The following LGR4 variants were observed in gnomAD, a reference collection of about 807,000 sequenced individuals.
The protein encoded by LGR4 is leucine-rich repeat-containing G protein-coupled receptor 4.
Under a neutral mutation model 84.8 loss-of-function variants are expected in LGR4, and 44 were observed. The observed-to-expected ratio is 0.52, with a 90% CI of 0.41 to 0.67. The LOEUF (loss-of-function observed/expected upper bound fraction) is 0.67, where lower values mean the gene tolerates loss of function less well. Among genes scored for constraint, LGR4 ranks in the 30% least tolerant of loss-of-function variants. LGR4 has a pLI of 0.00. For missense variants in LGR4, 1,032 were observed against 1,131.4 expected (o/e 0.91, Z 1.26); for synonymous variants, 429 against 434.3 (o/e 0.99, Z 0.15).
intron 2 of LGR4, among the ~76,000 whole-genome samples, chr11:27,412,529 TATA>T (rs1238066210): frequency 1.3e-5 from 2 of 152,262 alleles, no homozygotes; most frequent in African/African-American, 2.4e-5. Context: ...CATTTGTAGT[TATA>T]ATAATTGCAG....
intron 1 of LGR4, among the ~76,000 whole-genome samples, chr11:27,429,381 A>G (rs1013870142): frequency 6.6e-6 from 1 of 151,824 alleles, no homozygotes; most frequent in African/African-American, 2.4e-5. Flanking sequence ...GCTACTCAAG[A>G]GGCTGAGGCA....
chr11:27,416,013 C>A (rs1863809324), intron 1 of LGR4, among the ~76,000 whole-genome samples: 1 of 152,094 alleles, frequency 6.6e-6, no homozygotes, highest in Non-Finnish European at 1.5e-5. Flanking sequence ...TATTATGATA[C>A]ATAAATATAA....
At chr11:27,464,849 G>C (rs1864748790) in intron 1 of LGR4, among the ~76,000 whole-genome samples, 1 of 151,798 alleles carries the variant, frequency 6.6e-6, no homozygotes, top group African/African-American at 2.4e-5. Context: ...GGTACAATGA[G>C]ATTTTCACTC....
chr11:27,372,217 A>G (rs1862897464), intron 16 of LGR4, 66 bp downstream of exon 16: 1 of 957,606 alleles, frequency 1.0e-6, no homozygotes, highest in Non-Finnish European at 1.7e-6. Context: ...CAAAGTAATT[A>G]TAATAACAGG....
intron 11 of LGR4, among the ~76,000 whole-genome samples, chr11:27,378,218 C>T (rs972269041): frequency 2.0e-5 from 3 of 152,202 alleles, no homozygotes; most frequent in Non-Finnish European, 4.4e-5. Context: ...TACTTATTAA[C>T]AACTTAATAA....
chr11:27,472,045 G>T, intron 1 of LGR4, 73 bp downstream of exon 1: 1 of 1,137,832 alleles, frequency 8.8e-7, no homozygotes, highest in Non-Finnish European at 1.1e-6. Flanking sequence ...CTGACCCCTG[G>T]CTCCGCCCCG....
rs1426116055 is a variant in LGR4 at position 27,431,362 on chromosome 11, C to T, written c.186-18502G>A. ...GAACCACTGCAGTATATTACAATGG[C>T]CCCTTATGCGTTCATGGTCTTCCCC... On this transcript the variant is annotated intron_variant, in intron 1 of 17. Transcript: ENST00000379214. 1.2e-4 allele frequency among the ~76,000 whole-genome samples: 19 copies of T among 152,100 alleles called. No individual in the cohort carries two copies. In the South Asian group the frequency reaches 3.9e-3, roughly 32 times the overall value.
chr11:27,442,570 C>T (rs1864321423), intron 1 of LGR4, among the ~76,000 whole-genome samples: 1 of 152,196 alleles, frequency 6.6e-6, no homozygotes, highest in Admixed American at 6.5e-5. Flanking sequence ...GTTATTACCA[C>T]TATGTTGTCA....
At chr11:27,439,991 C>T (rs751684777) in intron 1 of LGR4, among the ~76,000 whole-genome samples, 38 of 150,828 alleles carry the variant, frequency 2.5e-4, no homozygotes, top group Middle Eastern at 3.2e-3. Context: ...CTGCAACCTC[C>T]GCCTCTCAGG....
chr11:27,405,883 G>A (rs1458457922), intron 2 of LGR4, among the ~76,000 whole-genome samples: 2 of 152,068 alleles, frequency 1.3e-5, no homozygotes, highest in Non-Finnish European at 2.9e-5. Context: ...TCTCTGCTAT[G>A]AGACTACATT....
chr11:27,416,681 C>T (rs1336129933), intron 1 of LGR4, among the ~76,000 whole-genome samples: 1 of 152,102 alleles, frequency 6.6e-6, no homozygotes, highest in African/African-American at 2.4e-5. Context: ...GCTGGGAGAA[C>T]CCTTCAAGAT....
chr11:27,373,632 A>G lies in LGR4; in HGVS notation c.1298T>C (p.Leu433Pro), dbSNP rs1236217428. 1 of 1,598,444 alleles carries G rather than the reference A, an allele frequency of 6.3e-7. No homozygotes were observed. The highest frequency in any genetic ancestry group is 8.5e-7 in the Non-Finnish European group (1 of 1,170,696). Residue 433 changes from leucine (L) to proline (P), a missense_variant, in exon 15 of 18, where the codon CTG becomes CCG. By Grantham distance (98) the Leu-to-Pro change is moderately conservative (BLOSUM62 -3). Coordinates refer to ENST00000379214, the MANE Select transcript of LGR4 (RefSeq NM_018490.5). ...AAGTTTCAGTTGATTTAGCCCATTC[A>G]GGCCTTCCGTAGGAAAGGAAGTTAA... is the stretch of plus-strand genomic sequence containing the variant. ...NELTSFPTEG[L>P]NGLNQLKLVG...
chr11:27,372,900 C>G (rs61887803), intron 15 of LGR4: 1 of 154,306 alleles, frequency 6.5e-6, no homozygotes, highest in Admixed American at 6.4e-5. Flanking sequence ...TGCCCTGTCA[C>G]CCAGGCTATA....
intron 2 of LGR4, among the ~76,000 whole-genome samples, chr11:27,410,746 T>C (rs1344434985): frequency 6.6e-6 from 1 of 152,150 alleles, no homozygotes; most frequent in African/African-American, 2.4e-5. Context: ...CCTAACTGAA[T>C]TCATTTTTGA....
intron 1 of LGR4, among the ~76,000 whole-genome samples, chr11:27,462,958 C>T (rs531269351): frequency 3.4e-5 from 5 of 148,652 alleles, no homozygotes; most frequent in South Asian, 4.4e-4. Context: ...GAGGGCCTGG[C>T]GCAGTGGCTC....
intron 1 of LGR4, among the ~76,000 whole-genome samples, chr11:27,446,745 T>C (rs977609526): frequency 1.3e-5 from 2 of 152,200 alleles, no homozygotes; most frequent in African/African-American, 2.4e-5. Flanking sequence ...CGTATGTTTA[T>C]TGTGGCACTA....
intron 1 of LGR4, among the ~76,000 whole-genome samples, chr11:27,426,822 G>T (rs1258516054): frequency 1.3e-5 from 2 of 152,100 alleles, no homozygotes; most frequent in Non-Finnish European, 2.9e-5. Context: ...GATAAATCCT[G>T]GTCCATGATT....
At chr11:27,440,107 T>C (rs1020817093) in intron 1 of LGR4, among the ~76,000 whole-genome samples, 2 of 152,106 alleles carry the variant, frequency 1.3e-5, no homozygotes, top group African/African-American at 2.4e-5. Flanking sequence ...GGTTTCACCA[T>C]GTTGGCCAGG....
chr11:27,463,615 G>A (rs1463400380), intron 1 of LGR4, among the ~76,000 whole-genome samples: 1 of 151,854 alleles, frequency 6.6e-6, no homozygotes, highest in African/African-American at 2.4e-5. Context: ...GTGAAACCCC[G>A]TCTCTACTAA....
Sources: allele counts gnomAD v4.1 joint callset (sites outside exome capture counted in the v4.1 genomes callset), GRCh38; gene constraint gnomAD v4.1.1; transcripts MANE v1.5; gene names NCBI Gene and HGNC (gene_info 2026-07-23, HGNC 2026-07-21).